The following CSRNP3 variants were observed in gnomAD, a reference collection of about 807,000 sequenced individuals.
CSRNP3 encodes cysteine and serine rich nuclear protein 3.
Under a neutral mutation model 48.0 loss-of-function variants are expected in CSRNP3, and 12 were observed. The observed-to-expected ratio is 0.25, with a 90% CI of 0.16 to 0.41. The LOEUF is 0.41. CSRNP3 is among the 10% of genes least tolerant of loss of function. CSRNP3 has a pLI of 1.00. For missense variants in CSRNP3, 580 were observed against 724.4 expected, an observed-to-expected ratio of 0.80 and a Z score of 2.29; for synonymous variants, 263 against 269.7, an observed-to-expected ratio of 0.98 and a Z score of 0.24.
At chr2:165,535,398 C>A (rs957585787) in intron 3 of CSRNP3, among the ~76,000 whole-genome samples, 5 of 151,214 alleles carry the variant, frequency 3.3e-5, no homozygotes, top group African/African-American at 1.2e-4. Context: ...ATTCCTTCTG[C>A]TGCTAGGAAG....
chr2:165,514,348 G>A (rs1043610921), intron 2 of CSRNP3, among the ~76,000 whole-genome samples: 3 of 152,208 alleles, frequency 2.0e-5, no homozygotes, highest in African/African-American at 7.2e-5. Flanking sequence ...AGGAAAAATG[G>A]CAGTTCCCGC....
chr2:165,510,171 T>G (rs1684482477), intron 2 of CSRNP3, among the ~76,000 whole-genome samples: 1 of 152,144 alleles, frequency 6.6e-6, no homozygotes, highest in Admixed American at 6.6e-5. Flanking sequence ...ACTATTTTTA[T>G]TTTTTCACGC....
At chr2:165,486,030 G>T (rs1191685372) in intron 1 of CSRNP3, among the ~76,000 whole-genome samples, 1 of 152,144 alleles carries the variant, frequency 6.6e-6, no homozygotes, top group Admixed American at 6.5e-5. Context: ...TCCATCTGAG[G>T]TACCGGGTTC....
chr2:165,639,459 G>C (rs1686690511), intron 4 of CSRNP3, among the ~76,000 whole-genome samples: 1 of 152,118 alleles, frequency 6.6e-6, no homozygotes, highest in African/African-American at 2.4e-5. Flanking sequence ...TAGTGATCTG[G>C]CCACAAAGTG....
chr2:165,610,841 G>T (rs2034710), intron 4 of CSRNP3, among the ~76,000 whole-genome samples: 79,619 of 151,944 alleles, frequency 0.52, 21,469 homozygotes, highest in Admixed American at 0.61. Flanking sequence ...GAAGACTATC[G>T]TAATGGAAAC....
intron 4 of CSRNP3, among the ~76,000 whole-genome samples, chr2:165,637,228 T>C (rs899218628): frequency 2.0e-5 from 3 of 152,184 alleles, no homozygotes; most frequent in Admixed American, 6.5e-5. Flanking sequence ...TTAACATGAC[T>C]AGGCCTGTCA....
At position 165,688,153 on chromosome 2, in the gene CSRNP3, G is replaced by A. The variant is rs2105373806; in HGVS notation, c.*8400G>A. On this transcript the variant is annotated 3_prime_UTR_variant, in exon 7 of 7. Transcript: ENST00000651982. ...GCACCTCTATTGAAATAAGTCTGAG[G>A]CATAGTTTGTGAAACATGTTTCAAA... 1 of 152,052 alleles carries A rather than the reference G, an allele frequency of 6.6e-6. No homozygotes were observed. The highest frequency in any genetic ancestry group is 2.1e-4 in the South Asian group (1 of 4,810). 9.4% of individuals were successfully genotyped at this position (152,052 alleles called of 1,614,324 possible). A position where few individuals can be genotyped will look rare whatever the true frequency, so the allele number is the denominator to read the frequency against.
intron 4 of CSRNP3, among the ~76,000 whole-genome samples, chr2:165,616,711 G>C (rs530270593): frequency 4.4e-4 from 67 of 152,090 alleles, no homozygotes; most frequent in Non-Finnish European, 8.5e-4. Flanking sequence ...TTGATGGTTT[G>C]ACTATAATGT....
chr2:165,649,790 A>T (rs1159157408), intron 4 of CSRNP3, among the ~76,000 whole-genome samples: 1 of 152,202 alleles, frequency 6.6e-6, no homozygotes, highest in East Asian at 1.9e-4. Flanking sequence ...AAGACCCCTG[A>T]CTTGTTGTCC....
chr2:165,471,839 T>C (rs1028992678), intron 1 of CSRNP3, among the ~76,000 whole-genome samples: 12 of 151,532 alleles, frequency 7.9e-5, no homozygotes, highest in Non-Finnish European at 1.3e-4. Context: ...AGAGAGAATG[T>C]GTGCTGGAGT....
intron 5 of CSRNP3, among the ~76,000 whole-genome samples, chr2:165,670,655 G>C (rs966944181): frequency 2.6e-5 from 4 of 152,132 alleles, no homozygotes; most frequent in African/African-American, 9.7e-5. Context: ...GATCCTAAAT[G>C]AACTAATGCA....
At chr2:165,552,647 G>A (rs1039119594) in intron 3 of CSRNP3, among the ~76,000 whole-genome samples, 4 of 151,820 alleles carry the variant, frequency 2.6e-5, no homozygotes, top group African/African-American at 9.7e-5. Flanking sequence ...GTTAGCTCTT[G>A]TCTCACTGTT....
intron 4 of CSRNP3, among the ~76,000 whole-genome samples, chr2:165,608,787 A>T (rs113824411): frequency 3.9e-5 from 2 of 51,888 alleles, no homozygotes; most frequent in Non-Finnish European, 9.6e-5. Flanking sequence ...ATGTAAAAAA[A>T]TTAAAAAAAA....
chr2:165,521,459 G>A (rs949660277), intron 3 of CSRNP3, among the ~76,000 whole-genome samples: 1 of 152,078 alleles, frequency 6.6e-6, no homozygotes, highest in African/African-American at 2.4e-5. Flanking sequence ...TGCCAACCCA[G>A]GAATCATTTG....
At chr2:165,654,640 T>A (rs1260059145) in intron 4 of CSRNP3, among the ~76,000 whole-genome samples, 2 of 152,188 alleles carry the variant, frequency 1.3e-5, no homozygotes, top group African/African-American at 4.8e-5. Flanking sequence ...TTATTCTTTT[T>A]ATTTTTTGAG....
At chr2:165,559,885 T>C (rs1258013868) in intron 3 of CSRNP3, among the ~76,000 whole-genome samples, 4 of 146,480 alleles carry the variant, frequency 2.7e-5, no homozygotes, top group South Asian at 2.2e-4. Flanking sequence ...CTGCAAGCTC[T>C]GCCTCCTGGG....
intron 3 of CSRNP3, among the ~76,000 whole-genome samples, chr2:165,529,316 G>A (rs756657291): frequency 6.6e-6 from 1 of 152,114 alleles, no homozygotes; most frequent in Non-Finnish European, 1.5e-5. Context: ...GGACCCTGTG[G>A]GAGTTAATTG....
At chr2:165,576,213 A>G (rs1183693832) in intron 3 of CSRNP3, among the ~76,000 whole-genome samples, 1 of 151,572 alleles carries the variant, frequency 6.6e-6, no homozygotes, top group Non-Finnish European at 1.5e-5. Flanking sequence ...ATACACACAC[A>G]CACACATATA....
intron 4 of CSRNP3, among the ~76,000 whole-genome samples, chr2:165,621,942 T>G (rs1391420462): frequency 1.3e-5 from 2 of 152,200 alleles, no homozygotes; most frequent in Non-Finnish European, 2.9e-5. Context: ...GCTTTACCAC[T>G]TAGAGAATTT....
Sources: gnomAD v4.1 joint callset for allele counts (sites outside exome capture counted in the v4.1 genomes callset) on GRCh38, gnomAD v4.1.1 for gene constraint, MANE v1.5 for transcripts, NCBI Gene and HGNC (gene_info 2026-07-23, HGNC 2026-07-21) for gene names.